Variants in EXT1 observed in about 807,000 individuals in gnomAD.
EXT1 encodes the protein exostosin-1.
A neutral mutation model predicts 82.5 loss-of-function variants in EXT1; 20 were observed. The observed-to-expected ratio is 0.24, with a 90% confidence interval of 0.17 to 0.35. EXT1 has a LOEUF of 0.35. Among genes scored for constraint, EXT1 ranks in the 10% least tolerant of loss-of-function variants. The pLI is 1.00. For missense variants in EXT1, 757 were observed against 936.5 expected, an observed-to-expected ratio of 0.81 and a Z score of 2.50; for synonymous variants, 348 against 350.8, an observed-to-expected ratio of 0.99 and a Z score of 0.09.
chr8:118,001,685 G>C (rs1304956640), intron 1 of EXT1, among the ~76,000 whole-genome samples: 1 of 151,916 alleles, frequency 6.6e-6, no homozygotes, highest in Non-Finnish European at 1.5e-5. Flanking sequence ...AACATAATAG[G>C]TCATGCTTCG....
At chr8:118,037,844 T>G (rs559292995) in intron 1 of EXT1, among the ~76,000 whole-genome samples, 75 of 147,022 alleles carry the variant, frequency 5.1e-4, no homozygotes, top group East Asian at 3.1e-3. Flanking sequence ...TTGTTTTTTT[T>G]TTTTTTTTTT....
rs149701258 is a variant in EXT1 at position 117,863,601 on chromosome 8, G to A, written c.963-26400C>T. On this transcript the variant is annotated intron_variant, in intron 1 of 10. Coordinates refer to ENST00000378204, the MANE Select transcript of EXT1 (RefSeq NM_000127.3). ...TGTACCCCAACCTTTGCCAGATGCC[G>A]GCTTCCTCATGAATCTGGGTTCTGT... Among the ~76,000 whole-genome samples, 424 of 152,058 alleles carry A rather than the reference G, an allele frequency of 2.8e-3. 2 individuals are homozygous for A. The highest frequency in any genetic ancestry group is 4.5e-3 in the Non-Finnish European group (305 of 67,996).
intron 8 of EXT1, among the ~76,000 whole-genome samples, chr8:117,808,445 C>A (rs1382772700): frequency 6.6e-6 from 1 of 152,210 alleles, no homozygotes; most frequent in Admixed American, 6.5e-5. Flanking sequence ...AGCCAAGATT[C>A]AAACTCAGGC....
intron 4 of EXT1, among the ~76,000 whole-genome samples, chr8:117,827,396 A>G (rs1277475541): frequency 2.6e-5 from 4 of 152,086 alleles, no homozygotes; most frequent in Non-Finnish European, 5.9e-5. Flanking sequence ...ATAATAGAGT[A>G]AAAAAAATTA....
intron 1 of EXT1, among the ~76,000 whole-genome samples, chr8:117,841,718 C>G (rs567096259): frequency 1.3e-5 from 2 of 152,158 alleles, no homozygotes; most frequent in Admixed American, 1.3e-4. Flanking sequence ...ATAAAAATGA[C>G]ATGACCTTGA....
intron 1 of EXT1, among the ~76,000 whole-genome samples, chr8:117,958,394 GA>G (rs1814631792): frequency 6.6e-6 from 1 of 152,070 alleles, no homozygotes; most frequent in African/African-American, 2.4e-5. Flanking sequence ...TTGACTTCCC[GA>G]AAGAGCCAAA....
chr8:117,995,766 A>G (rs1333128232), intron 1 of EXT1, among the ~76,000 whole-genome samples: 2 of 152,178 alleles, frequency 1.3e-5, no homozygotes, highest in Non-Finnish European at 2.9e-5. Flanking sequence ...ACCATGTATT[A>G]TCATGGCATA....
At chr8:117,975,124 A>G (rs1350115686) in intron 1 of EXT1, among the ~76,000 whole-genome samples, 3 of 152,202 alleles carry the variant, frequency 2.0e-5, no homozygotes, top group Admixed American at 2.0e-4. Flanking sequence ...GGACACACAC[A>G]GGCTTTTGAA....
intron 1 of EXT1, among the ~76,000 whole-genome samples, chr8:118,053,310 CCT>C (rs1816747731): frequency 6.6e-6 from 1 of 152,044 alleles, no homozygotes; most frequent in Admixed American, 6.6e-5. Context: ...GGCCAATGTC[CCT>C]CTCAGGAGTT....
chr8:117,949,834 A>G lies in EXT1; in HGVS notation c.963-112633T>C, dbSNP rs545166968. Among the ~76,000 whole-genome samples the G allele has an allele frequency of 1.4e-4, 21 of 152,314 alleles. No homozygotes were observed. In the South Asian group the frequency reaches 4.3e-3, roughly 32 times the overall value. ...TTAAAAGACTTCTTTTAAGCCCAAT[A>G]TCAGTCTTATTTGACAAATGACATT... On this transcript the variant is annotated intron_variant, in intron 1 of 10. Coordinates refer to ENST00000378204, the MANE Select transcript of EXT1 (RefSeq NM_000127.3).
chr8:117,935,844 T>C (rs1814149840), intron 1 of EXT1, among the ~76,000 whole-genome samples: 1 of 152,134 alleles, frequency 6.6e-6, no homozygotes, highest in African/African-American at 2.4e-5. Flanking sequence ...TACTGGAATA[T>C]AAACACTAAG....
chr8:117,973,924 A>AAG, intron 1 of EXT1, among the ~76,000 whole-genome samples: 1 of 140,898 alleles, frequency 7.1e-6, no homozygotes, highest in African/African-American at 2.8e-5. Context: ...GAAGAAAGGC[A>AAG]GAAAGCAAGG....
intron 1 of EXT1, among the ~76,000 whole-genome samples, chr8:117,906,425 G>C (rs1397990195): frequency 6.6e-6 from 1 of 152,126 alleles, no homozygotes; most frequent in African/African-American, 2.4e-5. Context: ...ATTCAATTTA[G>C]GAACCCTTAG....
In EXT1 at chr8:117,934,886, G is replaced by C. The variant is rs562108969; in HGVS notation, c.963-97685C>G. 2.0e-5 allele frequency among the ~76,000 whole-genome samples: 3 copies of C among 152,240 alleles called. 1 individual carries two copies. The South Asian group carries it at 6.2e-4, about 32-fold the overall frequency. ...AAAACCAGTTAGGAGCAGAGGTTGG[G>C]AATCTCAAAGCCACTCCAGCCCTTT... On this transcript the variant is annotated intron_variant, in intron 1 of 10. Coordinates refer to ENST00000378204, the MANE Select transcript of EXT1 (RefSeq NM_000127.3).
intron 1 of EXT1, among the ~76,000 whole-genome samples, chr8:117,938,348 G>GTAGC: frequency 6.6e-6 from 1 of 152,272 alleles, no homozygotes; most frequent in East Asian, 1.9e-4. Flanking sequence ...TGTAATCCCA[G>GTAGC]CTACTCAGGA....
At chr8:117,919,956 T>C (rs1020105733) in intron 1 of EXT1, among the ~76,000 whole-genome samples, 1 of 152,246 alleles carries the variant, frequency 6.6e-6, no homozygotes, top group African/African-American at 2.4e-5. Flanking sequence ...TTTTAAATCC[T>C]GATTTCTTTT....
intron 1 of EXT1, among the ~76,000 whole-genome samples, chr8:118,015,636 T>C (rs1041449491): frequency 6.7e-6 from 1 of 149,136 alleles, no homozygotes; most frequent in African/African-American, 2.5e-5. Flanking sequence ...GGCAGAAGAG[T>C]TCCTAGAAAA....
chr8:118,060,587 A>T (rs1313165769), intron 1 of EXT1, among the ~76,000 whole-genome samples: 1 of 152,166 alleles, frequency 6.6e-6, no homozygotes, highest in Non-Finnish European at 1.5e-5. Flanking sequence ...GGTTCTCTTC[A>T]TGTGACGTCT....
intron 1 of EXT1, among the ~76,000 whole-genome samples, chr8:118,000,466 T>A (rs1296457051): frequency 6.6e-6 from 1 of 152,192 alleles, no homozygotes; most frequent in Non-Finnish European, 1.5e-5. Flanking sequence ...TGGTTCCACT[T>A]TACACACCTC....
Sources: allele counts gnomAD v4.1 joint callset (sites outside exome capture counted in the v4.1 genomes callset), GRCh38; gene constraint gnomAD v4.1.1; transcripts MANE v1.5; gene names NCBI Gene and HGNC (gene_info 2026-07-23, HGNC 2026-07-21).